TENM3: variants seen among roughly 807,000 people sequenced by gnomAD.
TENM3 encodes teneurin-3.
TENM3 carries 63 observed loss-of-function variants against 255.1 expected under a neutral mutation model. The observed-to-expected ratio is 0.25, with a 90% confidence interval of 0.20 to 0.30. The LOEUF is 0.30. Ranked by LOEUF, TENM3 falls within the 10% of genes least tolerant of loss-of-function variation. TENM3 has a pLI of 1.00. For synonymous variants in TENM3, 1,306 were observed against 1,322.3 expected (o/e 0.99, Z 0.27); for missense variants, 2,929 against 3,461.1 (o/e 0.85, Z 3.86).
the TENM3 span, among the ~76,000 whole-genome samples, chr4:181,622,372 C>T: frequency 6.6e-6 from 1 of 152,112 alleles, no homozygotes; most frequent in South Asian, 2.1e-4. Context: ...AAACCTTCTT[C>T]TTATAATAAA....
the TENM3 span, among the ~76,000 whole-genome samples, chr4:181,782,280 G>A: frequency 2.0e-5 from 3 of 152,014 alleles, no homozygotes; most frequent in Non-Finnish European, 2.9e-5. Flanking sequence ...GGCTATTAAC[G>A]ATTGCCTCCA....
rs1484410407 is a variant in TENM3 at position 182,161,777 on chromosome 4, A to T, written c.-76+17023A>T. Among the ~76,000 whole-genome samples, 20 of 51,056 alleles carry T rather than the reference A, an allele frequency of 3.9e-4. 1 individual carries two copies. The highest frequency in any genetic ancestry group is 1.5e-3 in the African/African-American group (17 of 11,032). 33.5% of individuals were successfully genotyped at this position (51,056 alleles called of 152,430 possible). On this transcript the variant is annotated intron_variant, in intron 1 of 2. Coordinates refer to the TENM3 transcript ENST00000512480. The stretch of plus-strand genomic sequence containing the variant: ...TATATACATATATATGTGTATATAT[A>T]TATACACAAATATATGTATATATAT...
chr4:182,800,493 A>C lies in TENM3; in HGVS notation c.*142A>C. ...TACGACCCACACCCACACCGCGAAA[A>C]CAAGGACCGCTTTTTTCCGAATGAC... On this transcript the variant is annotated 3_prime_UTR_variant, in exon 28 of 28. Transcript: ENST00000511685. 1 of 1,042,200 alleles carries C rather than the reference A, an allele frequency of 9.6e-7. No individual in the cohort carries two copies. Among genetic ancestry groups the C allele is most frequent in the Non-Finnish European group, 1.3e-6 (1 of 749,168 alleles). The allele number at this position is 1,042,200 out of a possible 1,614,324, so 64.6% of individuals were successfully genotyped here. A position where few individuals can be genotyped will look rare whatever the true frequency, so the allele number is the denominator to read the frequency against.
the TENM3 span, among the ~76,000 whole-genome samples, chr4:181,679,591 G>A: frequency 3.3e-5 from 5 of 152,046 alleles, no homozygotes; most frequent in Admixed American, 1.3e-4. Flanking sequence ...ATTAACCAGA[G>A]TTTTTCAAGC....
chr4:181,964,519 C>G, the TENM3 span, among the ~76,000 whole-genome samples: 1 of 151,926 alleles, frequency 6.6e-6, no homozygotes, highest in Non-Finnish European at 1.5e-5. Flanking sequence ...TTCTCCCAAC[C>G]CTGCCATCCC....
At chr4:182,630,813 T>C (rs1052896470) in intron 5 of TENM3, among the ~76,000 whole-genome samples, 1 of 152,000 alleles carries the variant, frequency 6.6e-6, no homozygotes. Flanking sequence ...TAGATAAATA[T>C]TCAGGGCTGG....
chr4:181,819,872 G>A, the TENM3 span: 1 of 152,058 alleles, frequency 6.6e-6, no homozygotes, highest in African/African-American at 2.4e-5. Flanking sequence ...CTGGCCCAGG[G>A]GTTGGGGACC....
At chr4:182,629,163 G>A (rs1751112203) in intron 5 of TENM3, among the ~76,000 whole-genome samples, 1 of 152,122 alleles carries the variant, frequency 6.6e-6, no homozygotes, top group African/African-American at 2.4e-5. Flanking sequence ...GTGAAACATG[G>A]ATAGCTCTGT....
intron 1 of TENM3, among the ~76,000 whole-genome samples, chr4:182,293,415 C>A (rs909977403): frequency 1.3e-5 from 2 of 152,134 alleles, no homozygotes; most frequent in Non-Finnish European, 2.9e-5. Context: ...AATCTGGAGA[C>A]CTTACGTGGA....
At chr4:182,112,302 G>A in the TENM3 span, among the ~76,000 whole-genome samples, 1 of 152,170 alleles carries the variant, frequency 6.6e-6, no homozygotes, top group African/African-American at 2.4e-5. Flanking sequence ...TCTTAGGGCA[G>A]TTTCTCAGCC....
intron 1 of TENM3, among the ~76,000 whole-genome samples, chr4:182,202,282 A>G (rs1430671506): frequency 1.3e-5 from 2 of 151,382 alleles, no homozygotes; most frequent in African/African-American, 4.9e-5. Flanking sequence ...ATGCACAACT[A>G]AGATGTGTGC....
At chr4:182,056,034 T>C in the TENM3 span, among the ~76,000 whole-genome samples, 1 of 152,124 alleles carries the variant, frequency 6.6e-6, no homozygotes, top group African/African-American at 2.4e-5. Flanking sequence ...CCTTGTGATA[T>C]TGAATTGTAC....
chr4:181,742,889 A>G, the TENM3 span, among the ~76,000 whole-genome samples: 1 of 136,890 alleles, frequency 7.3e-6, no homozygotes, highest in Non-Finnish European at 1.5e-5. Flanking sequence ...ATGTGTTCTC[A>G]TTGTTCAAGT....
At chr4:182,361,384 C>T (rs1337416781) in intron 3 of TENM3, among the ~76,000 whole-genome samples, 7 of 152,216 alleles carry the variant, frequency 4.6e-5, no homozygotes, top group Admixed American at 4.6e-4. Context: ...GGTCTTTTCA[C>T]ATAGTCCCAT....
At chr4:181,683,553 T>C in the TENM3 span, among the ~76,000 whole-genome samples, 1 of 152,222 alleles carries the variant, frequency 6.6e-6, no homozygotes, top group East Asian at 1.9e-4. Flanking sequence ...TCCCAGCTGA[T>C]GCTGATGCGA....
At chr4:182,014,016 G>A in the TENM3 span, among the ~76,000 whole-genome samples, 1 of 49,896 alleles carries the variant, frequency 2.0e-5, no homozygotes, top group African/African-American at 1.0e-4. Flanking sequence ...GTATATATAC[G>A]TGTATATACG....
the TENM3 span, among the ~76,000 whole-genome samples, chr4:181,609,749 T>G: frequency 1.3e-5 from 2 of 152,250 alleles, no homozygotes; most frequent in Non-Finnish European, 2.9e-5. Context: ...ATGTATCTGG[T>G]CATATATTAT....
At chr4:181,461,764 A>G in the TENM3 span, among the ~76,000 whole-genome samples, 1 of 152,064 alleles carries the variant, frequency 6.6e-6, no homozygotes, top group Non-Finnish European at 1.5e-5. Flanking sequence ...GTTTTCTTCA[A>G]CATCCTTGAG....
At chr4:182,343,352 T>C (rs1764603479) in intron 2 of TENM3, among the ~76,000 whole-genome samples, 1 of 152,200 alleles carries the variant, frequency 6.6e-6, no homozygotes, top group Non-Finnish European at 1.5e-5. Flanking sequence ...TAAATACTTA[T>C]TTTGCCAGTT....
Sources: gnomAD v4.1 joint callset for allele counts (sites outside exome capture counted in the v4.1 genomes callset) on GRCh38, gnomAD v4.1.1 for gene constraint, MANE v1.5 for transcripts, NCBI Gene and HGNC (gene_info 2026-07-23, HGNC 2026-07-21) for gene names.